Variants in SUGCT observed in about 807,000 individuals in gnomAD.
SUGCT encodes the protein succinyl-CoA:glutarate-CoA transferase.
Under a neutral mutation model 55.0 loss-of-function variants are expected in SUGCT, and 41 were observed. The ratio of observed to expected loss-of-function variants is 0.74; its 90% CI spans 0.58 to 0.97. SUGCT has a LOEUF of 0.97. Ranked by LOEUF, SUGCT falls within the 50% of genes least tolerant of loss-of-function variation. The pLI, the probability that SUGCT is intolerant of heterozygous loss-of-function variation, is 0.00. For synonymous variants in SUGCT, 187 were observed against 200.4 expected, an observed-to-expected ratio of 0.93 and a Z score of 0.56; for missense variants, 568 against 547.8, an observed-to-expected ratio of 1.04 and a Z score of -0.37.
At chr7:40,810,988 A>G (rs1003045788) in intron 13 of SUGCT, among the ~76,000 whole-genome samples, 2 of 152,144 alleles carry the variant, frequency 1.3e-5, no homozygotes, top group Non-Finnish European at 2.9e-5. Context: ...TGGCTAGACA[A>G]CTATCCCAGT....
At chr7:40,503,358 C>T (rs1792400598) in intron 12 of SUGCT, among the ~76,000 whole-genome samples, 1 of 151,804 alleles carries the variant, frequency 6.6e-6, no homozygotes, top group Non-Finnish European at 1.5e-5. Flanking sequence ...TCAAGTCTAC[C>T]ATAAAAAACA....
At chr7:40,980,002 G>C in the SUGCT span, 1 of 152,210 alleles carries the variant, frequency 6.6e-6, no homozygotes, top group Non-Finnish European at 1.5e-5. Context: ...AACAACAACA[G>C]TTTATTTTCT....
chr7:40,180,058 A>G (rs114578076), intron 1 of SUGCT, among the ~76,000 whole-genome samples: 2 of 152,112 alleles, frequency 1.3e-5, no homozygotes, highest in African/African-American at 2.4e-5. Flanking sequence ...CCATGTAAGT[A>G]TGCTGTCAAG....
At chr7:40,597,553 G>A (rs1018834768) in intron 12 of SUGCT, among the ~76,000 whole-genome samples, 1 of 152,132 alleles carries the variant, frequency 6.6e-6, no homozygotes, top group African/African-American at 2.4e-5. Context: ...TTCACTTTCT[G>A]GCTTTCTTAT....
chr7:41,029,251 G>C, the SUGCT span, among the ~76,000 whole-genome samples: 1 of 152,198 alleles, frequency 6.6e-6, no homozygotes, highest in Non-Finnish European at 1.5e-5. Flanking sequence ...TACAAGGTGA[G>C]TGCTGCTTGT....
At chr7:40,346,857 A>C (rs1797341000) in intron 9 of SUGCT, among the ~76,000 whole-genome samples, 1 of 152,224 alleles carries the variant, frequency 6.6e-6, no homozygotes, top group South Asian at 2.1e-4. Context: ...GGACAGTGAG[A>C]TGGCAGCCTG....
At chr7:40,559,216 G>C (rs1795714747) in intron 12 of SUGCT, among the ~76,000 whole-genome samples, 1 of 152,198 alleles carries the variant, frequency 6.6e-6, no homozygotes, top group Non-Finnish European at 1.5e-5. Context: ...TCTCCAGCCA[G>C]ATGCTCCATC....
intron 9 of SUGCT, among the ~76,000 whole-genome samples, chr7:40,444,342 T>C (rs1339182792): frequency 2.6e-5 from 4 of 152,230 alleles, no homozygotes; most frequent in Non-Finnish European, 5.9e-5. Context: ...TTATCGATTC[T>C]TCCTATCCAT....
chr7:40,743,910 A>G (rs560710586), intron 12 of SUGCT, among the ~76,000 whole-genome samples: 1 of 152,052 alleles, frequency 6.6e-6, no homozygotes, highest in South Asian at 2.1e-4. Flanking sequence ...TAAATTTTCT[A>G]TTTTTAAAAT....
At chr7:40,876,381 C>T in the SUGCT span, among the ~76,000 whole-genome samples, 3 of 152,282 alleles carry the variant, frequency 2.0e-5, 1 homozygote, top group South Asian at 6.2e-4. Flanking sequence ...AGAATGCCCA[C>T]TCTTAAAACA....
intron 1 of SUGCT, among the ~76,000 whole-genome samples, chr7:40,164,130 T>TC (rs1478967945): frequency 6.6e-6 from 1 of 151,752 alleles, no homozygotes; most frequent in Non-Finnish European, 1.5e-5. Context: ...CTTGACTTTT[T>TC]TTTTTTTTTT....
chr7:41,017,649 T>TAGTC, the SUGCT span, among the ~76,000 whole-genome samples: 2 of 151,624 alleles, frequency 1.3e-5, no homozygotes, highest in Admixed American at 6.6e-5. Flanking sequence ...CGGGTGCCTA[T>TAGTC]AGTCCCAGCT....
intron 12 of SUGCT, among the ~76,000 whole-genome samples, chr7:40,600,269 T>C (rs909933029): frequency 4.6e-5 from 7 of 152,204 alleles, no homozygotes; most frequent in African/African-American, 9.7e-5. Context: ...CAATGTAGAC[T>C]CAAGCTGGAT....
At chr7:40,742,447 A>G (rs1017660292) in intron 12 of SUGCT, among the ~76,000 whole-genome samples, 1 of 152,140 alleles carries the variant, frequency 6.6e-6, no homozygotes, top group African/African-American at 2.4e-5. Flanking sequence ...TATTACATTT[A>G]TCATTAGATT....
intron 12 of SUGCT, among the ~76,000 whole-genome samples, chr7:40,698,877 C>T (rs1353302026): frequency 6.6e-6 from 1 of 152,160 alleles, no homozygotes; most frequent in Admixed American, 6.5e-5. Context: ...GCTGAAAAGG[C>T]CCTGACATTC....
At chr7:40,303,973 C>G (rs566079578) in intron 8 of SUGCT, among the ~76,000 whole-genome samples, 36 of 148,414 alleles carry the variant, frequency 2.4e-4, no homozygotes, top group Non-Finnish European at 4.7e-4. Context: ...TAATTGAACT[C>G]GGGAGGTGGA....
At chr7:40,295,985 G>A (rs1794117685) in intron 8 of SUGCT, among the ~76,000 whole-genome samples, 1 of 152,118 alleles carries the variant, frequency 6.6e-6, no homozygotes, top group Non-Finnish European at 1.5e-5. Flanking sequence ...ATCAGTGACT[G>A]TTTCTGAACT....
intron 11 of SUGCT, among the ~76,000 whole-genome samples, chr7:40,486,288 A>G (rs893951725): frequency 6.6e-6 from 1 of 152,086 alleles, no homozygotes; most frequent in Non-Finnish European, 1.5e-5. Flanking sequence ...ATCTCTCATG[A>G]TCATTTGTAT....
intron 13 of SUGCT, among the ~76,000 whole-genome samples, chr7:40,823,569 T>A (rs752853130): frequency 1.6e-4 from 24 of 152,178 alleles, no homozygotes; most frequent in Non-Finnish European, 3.1e-4. Context: ...TCTACTACAC[T>A]GCTTATTATA....
Sources: allele counts gnomAD v4.1 joint callset (sites outside exome capture counted in the v4.1 genomes callset), GRCh38; gene constraint gnomAD v4.1.1; transcripts MANE v1.5; gene names NCBI Gene and HGNC (gene_info 2026-07-23, HGNC 2026-07-21).